Variants in MRTFA observed in about 807,000 individuals in gnomAD.
The protein encoded by MRTFA is myocardin-related transcription factor A.
MRTFA carries 20 observed loss-of-function variants against 83.5 expected under a neutral mutation model. The ratio of observed to expected loss-of-function variants is 0.24; its 90% CI spans 0.17 to 0.35. MRTFA has a LOEUF of 0.35. MRTFA is among the 10% of genes least tolerant of loss of function. MRTFA has a pLI of 1.00. For synonymous variants in MRTFA, 659 were observed against 541.2 expected (o/e 1.22, Z -3.02); for missense variants, 1,200 against 1,224.7 (o/e 0.98, Z 0.30).
chr22:40,606,240 A>C (rs2147403952), intron 1 of MRTFA, among the ~76,000 whole-genome samples: 1 of 152,370 alleles, frequency 6.6e-6, no homozygotes. Flanking sequence ...GTAATTGATA[A>C]GGAAAGGAAA....
At chr22:40,603,485 A>G (rs2056283055) in intron 1 of MRTFA, among the ~76,000 whole-genome samples, 1 of 152,168 alleles carries the variant, frequency 6.6e-6, no homozygotes, top group South Asian at 2.1e-4. Flanking sequence ...CTGCTATTTC[A>G]GCAATTACAA....
chr22:40,599,252 C>T (rs979787196), intron 1 of MRTFA, among the ~76,000 whole-genome samples: 4 of 150,722 alleles, frequency 2.7e-5, no homozygotes, highest in East Asian at 2.0e-4. Flanking sequence ...GAGCCGAGAT[C>T]GGGCCATTGC....
At chr22:40,568,810 G>A (rs1383218378) in intron 2 of MRTFA, among the ~76,000 whole-genome samples, 1 of 152,224 alleles carries the variant, frequency 6.6e-6, no homozygotes, top group Non-Finnish European at 1.5e-5. Flanking sequence ...AGCAGTCAGT[G>A]CTGTACATTT....
chr22:40,520,532 G>A (rs2054847678), intron 3 of MRTFA, among the ~76,000 whole-genome samples: 3 of 151,898 alleles, frequency 2.0e-5, no homozygotes, highest in Non-Finnish European at 2.9e-5. Flanking sequence ...TCAGCCTCCC[G>A]AGTAGCTGAG....
At chr22:40,507,444 G>A (rs2147235332) in intron 3 of MRTFA, among the ~76,000 whole-genome samples, 1 of 151,948 alleles carries the variant, frequency 6.6e-6, no homozygotes, top group Non-Finnish European at 1.5e-5. Context: ...ACCAGCCTGG[G>A]TAACATGGCA....
At chr22:40,485,295 C>G (rs913182498) in intron 3 of MRTFA, among the ~76,000 whole-genome samples, 12 of 152,140 alleles carry the variant, frequency 7.9e-5, no homozygotes, top group African/African-American at 2.9e-4. Context: ...CTAGTAGTTT[C>G]AGAAAAATGA....
chr22:40,589,875 A>G (rs1344937982), intron 2 of MRTFA, among the ~76,000 whole-genome samples: 1 of 152,114 alleles, frequency 6.6e-6, no homozygotes, highest in Admixed American at 6.5e-5. Context: ...TACAAAAATT[A>G]GCCAGGCATG....
intron 3 of MRTFA, among the ~76,000 whole-genome samples, chr22:40,532,180 C>G (rs1253766290): frequency 6.6e-6 from 1 of 152,210 alleles, no homozygotes; most frequent in Non-Finnish European, 1.5e-5. Flanking sequence ...CCCTTTCCCT[C>G]TCAAGGCTGA....
chr22:40,618,378 C>T (rs2056480661), intron 1 of MRTFA, among the ~76,000 whole-genome samples: 1 of 151,708 alleles, frequency 6.6e-6, no homozygotes, highest in Non-Finnish European at 1.5e-5. Context: ...GCATGAGCCA[C>T]CAGGCCTGGC....
chr22:40,427,697 G>A (rs1288782430), intron 7 of MRTFA, among the ~76,000 whole-genome samples: 1 of 152,210 alleles, frequency 6.6e-6, no homozygotes, highest in African/African-American at 2.4e-5. Flanking sequence ...CTTAAGGTCA[G>A]AAGTATCTTC....
At chr22:40,536,919 T>C (rs1223008070) in intron 3 of MRTFA, among the ~76,000 whole-genome samples, 1 of 78,700 alleles carries the variant, frequency 1.3e-5, no homozygotes, top group Non-Finnish European at 2.6e-5. Context: ...AGCCGCCCCG[T>C]CTGAGAAGTG....
chr22:40,425,211 G>A (rs529572098), intron 7 of MRTFA, among the ~76,000 whole-genome samples: 4 of 152,356 alleles, frequency 2.6e-5, no homozygotes, highest in Admixed American at 6.5e-5. Flanking sequence ...CTGTTCCATG[G>A]GGTCCCAGTG....
At chr22:40,414,096 T>C (rs2147055655) in intron 14 of MRTFA, among the ~76,000 whole-genome samples, 1 of 152,292 alleles carries the variant, frequency 6.6e-6, no homozygotes, top group South Asian at 2.1e-4. Flanking sequence ...CCTATCACTT[T>C]GGGAGGCCGA....
intron 3 of MRTFA, among the ~76,000 whole-genome samples, chr22:40,502,933 T>C (rs993981649): frequency 8.5e-5 from 13 of 152,200 alleles, no homozygotes; most frequent in Non-Finnish European, 1.6e-4. Flanking sequence ...CTTTTTTCCT[T>C]CCTAGTGTCA....
At chr22:40,518,795 C>CAAAAA (rs879690699) in intron 3 of MRTFA, among the ~76,000 whole-genome samples, 2 of 68,136 alleles carry the variant, frequency 2.9e-5, no homozygotes, top group African/African-American at 6.3e-5. Flanking sequence ...ACTCTGTCTC[C>CAAAAA]AAAAAAAAAA....
intron 7 of MRTFA, among the ~76,000 whole-genome samples, chr22:40,428,913 A>T (rs887447671): frequency 3.3e-5 from 5 of 151,690 alleles, no homozygotes; most frequent in Admixed American, 2.0e-4. Flanking sequence ...CCTCTCCCAC[A>T]CGCTTTCATG....
chr22:40,417,268 G>T, intron 13 of MRTFA, 73 bp downstream of exon 13: 1 of 1,553,998 alleles, frequency 6.4e-7, no homozygotes, highest in East Asian at 2.3e-5. Flanking sequence ...CCTCCGGGTG[G>T]GGCTGTAGGA....
rs181447706 is a variant in MRTFA, at chr22:40,435,537, C to T, written c.325G>A (p.Ala109Thr). 272 of 1,614,134 alleles carry T rather than the reference C, an allele frequency of 1.7e-4. 1 individual carries two copies. In the Admixed American group the frequency reaches 4.2e-3, roughly 25 times the overall value. The change falls in exon 5 of 15, where the codon GCA becomes ACA. Residue 109 changes from alanine (A) to threonine (T), a missense_variant. Around this residue, in one of 2 missense-constraint regions of MRTFA, gnomAD observed 93 missense variants for 182.9 expected, o/e 0.51. Coordinates refer to ENST00000355630, the MANE Select transcript of MRTFA (RefSeq NM_020831.6). ...AAGCTCCTTCTCTGCTCATGAAATG[C>T]GGCTGGACTTTTCAAAGCTGTTGAG...
intron 5 of MRTFA, among the ~76,000 whole-genome samples, chr22:40,431,732 T>C (rs1232262426): frequency 6.6e-6 from 1 of 152,108 alleles, no homozygotes; most frequent in Non-Finnish European, 1.5e-5. Flanking sequence ...ACTGACAATA[T>C]ATCTATTAAA....
Sources: allele counts gnomAD v4.1 joint callset (sites outside exome capture counted in the v4.1 genomes callset), GRCh38; gene constraint gnomAD v4.1.1; regional missense constraint gnomAD v4.1.1; transcripts MANE v1.5; gene names NCBI Gene and HGNC (gene_info 2026-07-23, HGNC 2026-07-21).